RABEPK: variants seen among roughly 807,000 people sequenced by gnomAD.
RABEPK encodes the protein 40 kDa Rab9 effector protein.
In RABEPK, 27 loss-of-function variants were observed where a neutral mutation model predicts 34.1. The observed-to-expected ratio is 0.79, with a 90% CI of 0.58 to 1.09. The LOEUF is 1.09. Ranked by LOEUF, RABEPK falls within the 50% of genes least tolerant of loss-of-function variation. RABEPK has a pLI of 0.00. For missense variants in RABEPK, 449 were observed against 462.6 expected (o/e 0.97, Z 0.27); for synonymous variants, 172 against 169.2 (o/e 1.02, Z -0.13).
At chr9:125,230,419 G>A (rs982475253) in intron 6 of RABEPK, among the ~76,000 whole-genome samples, 3 of 152,188 alleles carry the variant, frequency 2.0e-5, no homozygotes, top group African/African-American at 7.2e-5. Context: ...CATGACAGCT[G>A]AGGCCAGGGG....
chr9:125,213,598 T>C, intron 4 of RABEPK, 76 bp downstream of exon 4: 1 of 1,247,224 alleles, frequency 8.0e-7, no homozygotes. Context: ...TATATATAAA[T>C]CCAATTATAA....
At chr9:125,222,713 CAAAAAAAAAAA>C (rs756826019) in intron 5 of RABEPK, among the ~76,000 whole-genome samples, 7 of 48,376 alleles carry the variant, frequency 1.4e-4, no homozygotes, top group African/African-American at 6.2e-4. Flanking sequence ...GACTCTGTAT[CAAAAAAAAAAA>C]AAAAAAAAAA....
chr9:125,208,498 C>T (rs1315623770), intron 3 of RABEPK, among the ~76,000 whole-genome samples: 3 of 151,814 alleles, frequency 2.0e-5, no homozygotes, highest in Non-Finnish European at 4.4e-5. Flanking sequence ...TCAGCCTCCC[C>T]AAGTACTTGG....
chr9:125,222,834 G>GA (rs943412779), intron 5 of RABEPK, among the ~76,000 whole-genome samples: 3 of 151,366 alleles, frequency 2.0e-5, no homozygotes, highest in African/African-American at 7.3e-5. Context: ...ATTTTGAAAT[G>GA]ATGATTATTA....
intron 4 of RABEPK, among the ~76,000 whole-genome samples, chr9:125,215,557 C>T (rs944607491): frequency 1.3e-5 from 2 of 152,030 alleles, no homozygotes; most frequent in Non-Finnish European, 2.9e-5. Flanking sequence ...AGCAATTTTC[C>T]TGCCTCGGCC....
chr9:125,205,873 G>C (rs1830194223), intron 2 of RABEPK, among the ~76,000 whole-genome samples: 1 of 152,168 alleles, frequency 6.6e-6, no homozygotes, highest in Non-Finnish European at 1.5e-5. Context: ...TGAATATATA[G>C]ATGAGTGATA....
intron 3 of RABEPK, among the ~76,000 whole-genome samples, chr9:125,210,443 G>A (rs889429069): frequency 8.8e-5 from 13 of 147,850 alleles, no homozygotes; most frequent in African/African-American, 3.3e-4. Context: ...TTATTAGCTG[G>A]GCGTGGTGAC....
intron 1 of RABEPK, among the ~76,000 whole-genome samples, chr9:125,201,334 A>G (rs777968656): frequency 1.3e-5 from 2 of 152,206 alleles, no homozygotes; most frequent in African/African-American, 4.8e-5. Flanking sequence ...GGCCTGCCAT[A>G]TTACAAGAAC....
intron 3 of RABEPK, among the ~76,000 whole-genome samples, chr9:125,209,847 A>C (rs548203058): frequency 6.6e-6 from 1 of 152,242 alleles, no homozygotes; most frequent in East Asian, 1.9e-4. Flanking sequence ...TTCTACCAGG[A>C]ACCTTTCCTG....
At chr9:125,204,332 A>G (rs544674527) in intron 2 of RABEPK, among the ~76,000 whole-genome samples, 108 of 152,206 alleles carry the variant, frequency 7.1e-4, no homozygotes, top group African/African-American at 2.3e-3. Flanking sequence ...CTATAATCCT[A>G]GCACTTTGGG....
At chr9:125,203,420 T>C (rs1830026142) in intron 2 of RABEPK, among the ~76,000 whole-genome samples, 1 of 152,202 alleles carries the variant, frequency 6.6e-6, no homozygotes, top group Non-Finnish European at 1.5e-5. Context: ...TGGCTGTTTG[T>C]TCAAACAACC....
chr9:125,232,755 T>C lies in RABEPK; in HGVS notation c.826+10T>C. 6.2e-7 allele frequency: 1 copy of C among 1,606,360 alleles called. No individual in the cohort carries two copies. The highest frequency in any genetic ancestry group is 8.5e-7 in the Non-Finnish European group (1 of 1,175,364). On this transcript the variant is annotated intron_variant, in intron 7 of 7. Coordinates refer to ENST00000373538, the MANE Select transcript of RABEPK (RefSeq NM_005833.4). ...TACCAGTATCACACAGGTGAGCAGG[T>C]GTCCATGGGGGATCTTTAAACAAAT...
chr9:125,224,774 T>C, intron 5 of RABEPK, among the ~76,000 whole-genome samples: 1 of 152,106 alleles, frequency 6.6e-6, no homozygotes, highest in Non-Finnish European at 1.5e-5. Flanking sequence ...GTATCCTTAT[T>C]TTACAGCCAT....
In RABEPK at chr9:125,232,705, T is replaced by C. The variant is rs745615633; in HGVS notation, c.786T>C (p.Thr262=). ...ATGTGTACATCTTTGGTGGAATGAC[T>C]CCTGCAGGAGCACTGGACACAATGT... ...GKHVYIFGGM[T]PAGALDTMYQ... Residue 262 remains threonine, a synonymous_variant, in exon 7 of 8, where the codon ACT becomes ACC. Transcript: ENST00000373538. The C allele has an allele frequency of 1.2e-6, 2 of 1,613,958 alleles. No homozygotes were observed. The highest frequency in any genetic ancestry group is 1.3e-5 in the African/African-American group (1 of 74,930).
intron 4 of RABEPK, among the ~76,000 whole-genome samples, chr9:125,216,654 G>C (rs1292433617): frequency 6.6e-6 from 1 of 151,956 alleles, no homozygotes; most frequent in African/African-American, 2.4e-5. Context: ...TCAGGGTACA[G>C]AACACTGTCC....
intron 3 of RABEPK, among the ~76,000 whole-genome samples, 171 bp from the exon 4 acceptor site, chr9:125,213,199 G>GCC (rs979349932): frequency 1.3e-5 from 2 of 152,138 alleles, no homozygotes; most frequent in African/African-American, 4.8e-5. Flanking sequence ...TAGGCAGACA[G>GCC]CCCCCTAAGT....
intron 6 of RABEPK, among the ~76,000 whole-genome samples, chr9:125,229,759 T>C (rs541633569): frequency 6.6e-6 from 1 of 152,298 alleles, no homozygotes; most frequent in Admixed American, 6.5e-5. Flanking sequence ...TGTTAAATGG[T>C]TGAAAACAGT....
rs565918787 is a variant in RABEPK, at chr9:125,213,752, A to G, written c.364+230A>G. On this transcript the variant is annotated intron_variant, in intron 4 of 7. Transcript: ENST00000373538. ...ACAATTTTTAACTTGTTAAATGTCA[A>G]AGCTGGAAGGGACTTCAGAGAACAG... Among the ~76,000 whole-genome samples the G allele has an allele frequency of 2.0e-5, 3 of 152,350 alleles. No individual in the cohort carries two copies. The South Asian group carries it at 6.2e-4, about 32-fold the overall frequency.
At position 125,207,566 on chromosome 9, in the gene RABEPK, A is replaced by G. The variant is rs755821022; in HGVS notation, c.56A>G (p.Tyr19Cys). The G allele has an allele frequency of 6.2e-7, 1 of 1,613,768 alleles. No homozygotes were observed. Among genetic ancestry groups the G allele is most frequent in the South Asian group, 1.1e-5 (1 of 91,064 alleles). ...TGAATACATCCTTCCTTTGGCAGGTACACCTTGACTGTCCCTGGAGACAGC... is the reference window on the plus strand; with the variant it reads ...TGAATACATCCTTCCTTTGGCAGGTGCACCTTGACTGTCCCTGGAGACAGC... Reference protein sequence around the residue: ...PGDKPRKATWYTLTVPGDSPC... With the variant: ...PGDKPRKATWCTLTVPGDSPC... Residue 19 changes from tyrosine (Y) to cysteine (C), a missense_variant and splice_region_variant, in exon 3 of 8, where the codon TAC becomes TGC. Physicochemically the swap from Tyr to Cys is radical, Grantham distance 194 (BLOSUM62 -2). Transcript: ENST00000373538.
Sources: allele counts gnomAD v4.1 joint callset (sites outside exome capture counted in the v4.1 genomes callset), GRCh38; gene constraint gnomAD v4.1.1; transcripts MANE v1.5; gene names NCBI Gene and HGNC (gene_info 2026-07-23, HGNC 2026-07-21).